The following NWD2 variants were observed in gnomAD, a reference collection of about 807,000 sequenced individuals.
NWD2 encodes NACHT and WD repeat domain containing 2, also known as NACHT and WD repeat domain-containing protein 2.
In NWD2, 37 loss-of-function variants were observed where a neutral mutation model predicts 132.7. The ratio of observed to expected loss-of-function variants is 0.28; its 90% CI spans 0.21 to 0.37. NWD2 has a LOEUF of 0.37. Ranked by LOEUF, NWD2 falls within the 10% of genes least tolerant of loss-of-function variation. NWD2 has a pLI of 1.00. For missense variants in NWD2, 1,592 were observed against 2,122.4 expected (o/e 0.75, Z 4.91); for synonymous variants, 705 against 803.0 (o/e 0.88, Z 2.06).
Position 37,410,330 on chromosome 4 carries a change from C to CA in NWD2, c.358-20234dup, listed in dbSNP as rs199954147. ...GAATATTTACCAAGCAAATGGAAAG[C>CA]AAAAAAAAGGCAGGAGTTGCAATCC... On this transcript the variant is annotated intron_variant, in intron 3 of 6. Coordinates refer to ENST00000309447, the MANE Select transcript of NWD2 (RefSeq NM_001144990.2). Among the ~76,000 whole-genome samples the CA allele has an allele frequency of 8.4e-3, 1,260 of 150,448 alleles. 13 individuals carry two copies. The highest frequency in any genetic ancestry group is 0.053 in the South Asian group (254 of 4,766).
chr4:37,372,116 T>G (rs1720240512), intron 3 of NWD2, among the ~76,000 whole-genome samples: 1 of 152,342 alleles, frequency 6.6e-6, no homozygotes, highest in African/African-American at 2.4e-5. Flanking sequence ...TACATTTAAG[T>G]ACCTTTTTAT....
intron 3 of NWD2, among the ~76,000 whole-genome samples, chr4:37,388,064 A>G (rs1577686962): frequency 6.6e-6 from 1 of 152,220 alleles, no homozygotes; most frequent in African/African-American, 2.4e-5. Context: ...CCTCATCTGT[A>G]AAATGGGAGC....
intron 1 of NWD2, among the ~76,000 whole-genome samples, chr4:37,260,755 C>A (rs1717618759): frequency 6.6e-6 from 1 of 152,084 alleles, no homozygotes; most frequent in South Asian, 2.1e-4. Context: ...ACAGATGAGA[C>A]TATTAGATTG....
chr4:37,289,516 A>G (rs1316303170), intron 1 of NWD2, among the ~76,000 whole-genome samples: 1 of 152,208 alleles, frequency 6.6e-6, no homozygotes, highest in Non-Finnish European at 1.5e-5. Flanking sequence ...GTTTATCTCT[A>G]CATTCATATT....
At chr4:37,392,933 G>C (rs1054667982) in intron 3 of NWD2, among the ~76,000 whole-genome samples, 1 of 152,138 alleles carries the variant, frequency 6.6e-6, no homozygotes, top group Non-Finnish European at 1.5e-5. Context: ...ATTCACCCTA[G>C]GATGTCTGTG....
At chr4:37,273,727 C>T (rs545345017) in intron 1 of NWD2, among the ~76,000 whole-genome samples, 2 of 152,172 alleles carry the variant, frequency 1.3e-5, no homozygotes, top group Non-Finnish European at 2.9e-5. Flanking sequence ...TTATTACAAA[C>T]TGTTTCTTAG....
At chr4:37,429,873 T>C (rs1486711180) in intron 3 of NWD2, among the ~76,000 whole-genome samples, 2 of 152,238 alleles carry the variant, frequency 1.3e-5, no homozygotes. Context: ...TATATAGATT[T>C]TTAGGGCTCT....
At chr4:37,286,501 T>C (rs1457830130) in intron 1 of NWD2, among the ~76,000 whole-genome samples, 1 of 152,236 alleles carries the variant, frequency 6.6e-6, no homozygotes. Context: ...AATTTGCATT[T>C]AAATATGCAT....
intron 3 of NWD2, among the ~76,000 whole-genome samples, chr4:37,428,470 G>A (rs189956014): frequency 1.7e-3 from 258 of 152,296 alleles, no homozygotes; most frequent in African/African-American, 5.9e-3. Flanking sequence ...AAGATTAATT[G>A]AAATACCAAG....
chr4:37,445,752 C>T lies in NWD2; in HGVS notation c.3764C>T (p.Ala1255Val). Reference protein sequence around the residue: ...CIIATMENTSAVFFWRRDTGQ... With the variant: ...CIIATMENTSVVFFWRRDTGQ... ...ATCGCCACCATGGAAAATACCTCAG[C>T]TGTGTTTTTTTGGAGGCGGGACACA... Residue 1255 changes from alanine (A) to valine (V), a missense_variant, in exon 7 of 7, where the codon GCT becomes GTT. Physicochemically the swap from Ala to Val is moderately conservative, Grantham distance 64. Around this residue, in one of 7 missense-constraint regions of NWD2, gnomAD observed 1,071 missense variants for 1,398.0 expected, o/e 0.77. Transcript: ENST00000309447. The surrounding 1 kb of genome is among the most constrained non-coding windows in gnomAD (Gnocchi z 4.7). 1 of 1,551,832 alleles carries T rather than the reference C, an allele frequency of 6.4e-7. No individual in the cohort carries two copies.
At chr4:37,317,796 A>G (rs1435389) in intron 1 of NWD2, among the ~76,000 whole-genome samples, 23,539 of 152,170 alleles carry the variant, frequency 0.15, 2,342 homozygotes, top group South Asian at 0.33. Flanking sequence ...ATTTTTTAAC[A>G]TCACCTCAAG....
In NWD2 at chr4:37,366,277, A is replaced by G. The variant is rs1002422070; in HGVS notation, c.357+9795A>G. On this transcript the variant is annotated intron_variant, in intron 3 of 6. Transcript: ENST00000309447. ...ATCTAACTGGTGTTGCCTTTGAGGC[A>G]TTTTAATTCAAAGTAAGCAGAATCT... 5.3e-5 allele frequency among the ~76,000 whole-genome samples: 8 copies of G among 152,202 alleles called. No homozygotes were observed. In the East Asian group the frequency reaches 1.5e-3, roughly 29 times the overall value.
chr4:37,345,342 GT>G (rs1296699790), intron 2 of NWD2, among the ~76,000 whole-genome samples: 1 of 152,160 alleles, frequency 6.6e-6, no homozygotes, highest in African/African-American at 2.4e-5. Context: ...CATCAGCAAT[GT>G]ATGAGGGTTC....
rs1395762884 is a variant in NWD2, at chr4:37,445,339, A to G, written c.3351A>G (p.Gln1117=). The change falls in exon 7 of 7, where the codon CAA becomes CAG. Residue 1117 remains glutamine (Q), a synonymous_variant. Coordinates refer to ENST00000309447, the MANE Select transcript of NWD2 (RefSeq NM_001144990.2). The surrounding 1 kb of genome is among the most constrained non-coding windows in gnomAD (Gnocchi z 4.7). Reference sequence around the variant, plus strand: ...ATGGTCTGTATGCTTTCTGTGGCCAATACCTGAACACAACCACCATATTTC... The same window carrying G: ...ATGGTCTGTATGCTTTCTGTGGCCAGTACCTGAACACAACCACCATATTTC... ...SLDGLYAFCG[Q]YLNTTTIFHL... is the part of the protein sequence containing the mutation. The G allele has an allele frequency of 2.6e-6, 4 of 1,552,194 alleles. No homozygotes were observed. The highest frequency in any genetic ancestry group is 3.5e-6 in the Non-Finnish European group (4 of 1,147,110).
chr4:37,257,079 C>T (rs546695456), intron 1 of NWD2, among the ~76,000 whole-genome samples: 3 of 152,264 alleles, frequency 2.0e-5, no homozygotes, highest in African/African-American at 7.2e-5. Flanking sequence ...TAGAACCTCA[C>T]TGCCCCATGG....
intron 2 of NWD2, among the ~76,000 whole-genome samples, chr4:37,349,224 T>C (rs1388319676): frequency 6.6e-6 from 1 of 152,116 alleles, no homozygotes; most frequent in Non-Finnish European, 1.5e-5. Flanking sequence ...GGTCAAATGG[T>C]ATTTCTGTTT....
At chr4:37,359,138 C>T (rs1286051957) in intron 3 of NWD2, among the ~76,000 whole-genome samples, 1 of 152,098 alleles carries the variant, frequency 6.6e-6, no homozygotes, top group East Asian at 1.9e-4. Flanking sequence ...CTATGAATTC[C>T]AATAATTTGC....
intron 1 of NWD2, among the ~76,000 whole-genome samples, chr4:37,255,647 A>G (rs1441807161): frequency 6.6e-6 from 1 of 152,084 alleles, no homozygotes; most frequent in Non-Finnish European, 1.5e-5. Flanking sequence ...TGTGAAGGAG[A>G]ATAGGGTAGC....
At chr4:37,432,872 G>A (rs191113893) in intron 4 of NWD2, among the ~76,000 whole-genome samples, 1 of 152,226 alleles carries the variant, frequency 6.6e-6, no homozygotes, top group East Asian at 1.9e-4. Flanking sequence ...AGGTGGACCT[G>A]TTCATTGAGT....
Sources: allele counts gnomAD v4.1 joint callset (sites outside exome capture counted in the v4.1 genomes callset), GRCh38; gene constraint gnomAD v4.1.1; regional missense constraint gnomAD v4.1.1; non-coding constraint Gnocchi (gnomAD v3.1); transcripts MANE v1.5; gene names NCBI Gene and HGNC (gene_info 2026-07-23, HGNC 2026-07-21).